Variants in RIGI observed in about 807,000 individuals in gnomAD.
The protein encoded by RIGI is antiviral innate immune response receptor RIG-I.
At chr9:32,485,136 C>T in the RIGI span, 12 of 1,431,022 alleles carry the variant, frequency 8.4e-6, no homozygotes, top group African/African-American at 1.4e-4. Context: ...AATGGCTATT[C>T]CCCAGTAGAG....
chr9:32,512,005 C>T, the RIGI span, among the ~76,000 whole-genome samples: 1 of 152,166 alleles, frequency 6.6e-6, no homozygotes, highest in African/African-American at 2.4e-5. Context: ...TTCCTAGACA[C>T]ATATACCCTC....
chr9:32,504,287 T>A, the RIGI span, among the ~76,000 whole-genome samples: 4 of 152,080 alleles, frequency 2.6e-5, no homozygotes, highest in East Asian at 7.7e-4. Flanking sequence ...TCCCTTTGCT[T>A]TCCACGGATG....
At chr9:32,463,019 TGGTGGCACACACC>T in the RIGI span, among the ~76,000 whole-genome samples, 32 of 152,056 alleles carry the variant, frequency 2.1e-4, no homozygotes, top group African/African-American at 7.0e-4. Context: ...TAGTGATGCG[TGGTGGCACACACC>T]TGTAGTCCTA....
chr9:32,489,993 G>A, the RIGI span, among the ~76,000 whole-genome samples: 1 of 152,202 alleles, frequency 6.6e-6, no homozygotes, highest in African/African-American at 2.4e-5. Flanking sequence ...AGCTAGCAAA[G>A]ACTTTGGAAA....
At chr9:32,493,858 C>T in the RIGI span, 2 of 1,609,886 alleles carry the variant, frequency 1.2e-6, no homozygotes, top group South Asian at 1.1e-5. Context: ...TGGTTGTAAA[C>T]GTTTTAAAAG....
the RIGI span, among the ~76,000 whole-genome samples, chr9:32,503,383 T>C: frequency 9.6e-4 from 146 of 152,180 alleles, no homozygotes; most frequent in African/African-American, 3.5e-3. Context: ...GCACCAACAA[T>C]GCAGACAAAA....
At chr9:32,459,383 T>TA in the RIGI span, 2 of 1,613,520 alleles carry the variant, frequency 1.2e-6, no homozygotes, top group Non-Finnish European at 1.7e-6. Flanking sequence ...CTATCACTCT[T>TA]ACGTCAGCTG....
At chr9:32,505,964 C>T in the RIGI span, among the ~76,000 whole-genome samples, 1 of 152,132 alleles carries the variant, frequency 6.6e-6, no homozygotes. Context: ...TGCCTGTAAT[C>T]CCAGCACTTT....
chr9:32,514,021 T>A, the RIGI span, among the ~76,000 whole-genome samples: 8 of 152,304 alleles, frequency 5.3e-5, no homozygotes, highest in East Asian at 1.5e-3. Flanking sequence ...AAAACCACAA[T>A]GAGATACCAT....
the RIGI span, chr9:32,487,862 C>G: frequency 6.7e-7 from 1 of 1,487,398 alleles, no homozygotes; most frequent in Non-Finnish European, 9.1e-7. Flanking sequence ...AGAAGGACAT[C>G]TTCAGTGTGG....
the RIGI span, among the ~76,000 whole-genome samples, chr9:32,473,702 C>G: frequency 6.6e-6 from 1 of 152,156 alleles, no homozygotes; most frequent in Non-Finnish European, 1.5e-5. Flanking sequence ...AACTGAATTT[C>G]TACATACTAG....
the RIGI span, among the ~76,000 whole-genome samples, chr9:32,495,772 G>A: frequency 3.4e-5 from 5 of 148,418 alleles, no homozygotes; most frequent in African/African-American, 1.2e-4. Flanking sequence ...CAATTCTCCT[G>A]CCACAGCCTC....
the RIGI span, among the ~76,000 whole-genome samples, chr9:32,517,773 A>G: frequency 6.6e-6 from 1 of 152,246 alleles, no homozygotes; most frequent in Admixed American, 6.5e-5. Flanking sequence ...TATTAATTTT[A>G]AGGTTATTTA....
chr9:32,457,636 A>G, the RIGI span, among the ~76,000 whole-genome samples: 1 of 152,192 alleles, frequency 6.6e-6, no homozygotes, highest in East Asian at 1.9e-4. Context: ...GTGGGGTTGC[A>G]AGTGAGGACA....
chr9:32,459,509 C>T, the RIGI span: 1 of 1,603,648 alleles, frequency 6.2e-7, no homozygotes, highest in East Asian at 2.2e-5. Context: ...TCTGTATATG[C>T]AGAATCTAAT....
chr9:32,492,334 G>C, the RIGI span: 2 of 1,595,064 alleles, frequency 1.3e-6, no homozygotes, highest in South Asian at 1.1e-5. Flanking sequence ...GGATGTAAAA[G>C]ACCGGTTGGA....
the RIGI span, among the ~76,000 whole-genome samples, chr9:32,514,597 G>A: frequency 1.3e-5 from 2 of 152,146 alleles, no homozygotes; most frequent in African/African-American, 2.4e-5. Context: ...ATAGGGGAGG[G>A]ATAGCATTAG....
chr9:32,459,923 A>G, the RIGI span, among the ~76,000 whole-genome samples: 3 of 152,352 alleles, frequency 2.0e-5, no homozygotes, highest in Admixed American at 6.5e-5. Context: ...TGAGTGATAC[A>G]ACAGGCAGAA....
the RIGI span, among the ~76,000 whole-genome samples, chr9:32,480,588 G>A: frequency 6.6e-5 from 10 of 152,046 alleles, no homozygotes; most frequent in Non-Finnish European, 1.2e-4. Context: ...TCATCACTTT[G>A]GATTATTGAA....
Sources: gnomAD v4.1 joint callset for allele counts (sites outside exome capture counted in the v4.1 genomes callset) on GRCh38, gnomAD v4.1.1 for gene constraint, MANE v1.5 for transcripts, NCBI Gene and HGNC (gene_info 2026-07-23, HGNC 2026-07-21) for gene names.